The following ZSWIM5 variants were observed in gnomAD, a reference collection of about 807,000 sequenced individuals.
ZSWIM5 encodes the protein zinc finger SWIM-type containing 5, also known as zinc finger SWIM domain-containing protein 5.
Under a neutral mutation model 119.6 loss-of-function variants are expected in ZSWIM5, and 55 were observed. The ratio of observed to expected loss-of-function variants is 0.46; its 90% CI spans 0.37 to 0.58. The LOEUF is 0.58. Among genes scored for constraint, ZSWIM5 ranks in the 20% least tolerant of loss-of-function variants. The probability of loss-of-function intolerance (pLI) is 0.00; values close to 1 mark genes in which losing one functional copy is unlikely to be tolerated. For missense variants in ZSWIM5, 1,193 were observed against 1,512.8 expected, an observed-to-expected ratio of 0.79 and a Z score of 3.51; for synonymous variants, 537 against 606.9, an observed-to-expected ratio of 0.88 and a Z score of 1.69.
chr1:45,081,463 G>A (rs982154598), intron 2 of ZSWIM5, among the ~76,000 whole-genome samples: 4 of 151,982 alleles, frequency 2.6e-5, no homozygotes, highest in South Asian at 2.1e-4. Flanking sequence ...GGCGCGCGCC[G>A]CCACGCCTGA....
intron 1 of ZSWIM5, among the ~76,000 whole-genome samples, chr1:45,174,755 A>G (rs1315609141): frequency 1.3e-5 from 2 of 151,976 alleles, no homozygotes; most frequent in Non-Finnish European, 2.9e-5. Context: ...AAAGAAAAAG[A>G]TTATCATATT....
At chr1:45,194,746 G>C (rs976986439) in intron 1 of ZSWIM5, among the ~76,000 whole-genome samples, 4 of 151,808 alleles carry the variant, frequency 2.6e-5, no homozygotes, top group Non-Finnish European at 5.9e-5. Context: ...GCGTGGTGGC[G>C]GGCATCTGTA....
chr1:45,124,502 G>A (rs1163289193), intron 1 of ZSWIM5, among the ~76,000 whole-genome samples: 5 of 151,854 alleles, frequency 3.3e-5, no homozygotes, highest in South Asian at 2.1e-4. Flanking sequence ...GATCAAAATC[G>A]AATTCTAAAA....
intron 1 of ZSWIM5, among the ~76,000 whole-genome samples, chr1:45,091,398 T>TGG (rs1645363590): frequency 6.6e-6 from 1 of 151,254 alleles, no homozygotes; most frequent in African/African-American, 2.4e-5. Flanking sequence ...GGCTCATGCC[T>TGG]GTAATCCCAG....
At chr1:45,158,329 T>A (rs1329868956) in intron 1 of ZSWIM5, among the ~76,000 whole-genome samples, 1 of 152,020 alleles carries the variant, frequency 6.6e-6, no homozygotes, top group Non-Finnish European at 1.5e-5. Context: ...CCACCATGCC[T>A]GGCTAATTTT....
chr1:45,085,988 T>C (rs191067951), intron 2 of ZSWIM5, among the ~76,000 whole-genome samples: 1 of 152,254 alleles, frequency 6.6e-6, no homozygotes, highest in East Asian at 1.9e-4. Flanking sequence ...TGCACTGCTA[T>C]AAAAAAATAC....
chr1:45,146,749 C>T (rs997330457), intron 1 of ZSWIM5, among the ~76,000 whole-genome samples: 5 of 151,982 alleles, frequency 3.3e-5, no homozygotes, highest in Non-Finnish European at 5.9e-5. Flanking sequence ...CAATTGTATA[C>T]GTACGTACTC....
chr1:45,118,737 C>CAA (rs60441320), intron 1 of ZSWIM5, among the ~76,000 whole-genome samples: 8 of 95,236 alleles, frequency 8.4e-5, no homozygotes, highest in African/African-American at 1.3e-4. Flanking sequence ...GAACCTGTCT[C>CAA]AAAAAAAAAA....
chr1:45,024,896 CT>C (rs1246703294), intron 11 of ZSWIM5, among the ~76,000 whole-genome samples: 14 of 152,198 alleles, frequency 9.2e-5, no homozygotes, highest in African/African-American at 3.4e-4. Flanking sequence ...CTCAGATGAT[CT>C]GCCCGCCTCA....
intron 1 of ZSWIM5, among the ~76,000 whole-genome samples, chr1:45,202,277 C>A (rs1646162884): frequency 6.6e-6 from 1 of 151,934 alleles, no homozygotes; most frequent in Non-Finnish European, 1.5e-5. Flanking sequence ...ATATAAAAAT[C>A]AACAAACTGT....
chr1:45,036,674 C>G (rs977562110), intron 8 of ZSWIM5, among the ~76,000 whole-genome samples: 1 of 152,034 alleles, frequency 6.6e-6, no homozygotes, highest in Non-Finnish European at 1.5e-5. Context: ...GTCTTTCCCT[C>G]CCACCTTTGG....
intron 4 of ZSWIM5, among the ~76,000 whole-genome samples, chr1:45,056,331 G>A (rs1247692744): frequency 1.4e-4 from 21 of 152,140 alleles, no homozygotes; most frequent in African/African-American, 4.8e-4. Context: ...GGTGACTCAC[G>A]CCTGTAATCT....
intron 1 of ZSWIM5, among the ~76,000 whole-genome samples, chr1:45,194,157 A>C (rs1475637629): frequency 2.0e-5 from 3 of 152,154 alleles, no homozygotes; most frequent in African/African-American, 7.2e-5. Flanking sequence ...ACAGATTTAA[A>C]CAAAATAAGA....
chr1:45,132,768 G>C (rs902984908), intron 1 of ZSWIM5, among the ~76,000 whole-genome samples: 3 of 151,644 alleles, frequency 2.0e-5, no homozygotes, highest in African/African-American at 7.3e-5. Flanking sequence ...CCCACTCCCC[G>C]CACCCCACAA....
chr1:45,104,148 C>G (rs1645455848), intron 1 of ZSWIM5, among the ~76,000 whole-genome samples: 1 of 152,154 alleles, frequency 6.6e-6, no homozygotes, highest in Non-Finnish European at 1.5e-5. Flanking sequence ...TCCCGGAAGG[C>G]CACAGCAGTA....
chr1:45,193,759 C>T (rs1646105459), intron 1 of ZSWIM5, among the ~76,000 whole-genome samples: 1 of 152,038 alleles, frequency 6.6e-6, no homozygotes, highest in Non-Finnish European at 1.5e-5. Flanking sequence ...TTACATAGCA[C>T]TTAATATGTG....
At chr1:45,159,780 G>A (rs564517492) in intron 1 of ZSWIM5, among the ~76,000 whole-genome samples, 2 of 152,046 alleles carry the variant, frequency 1.3e-5, no homozygotes, top group African/African-American at 4.8e-5. Flanking sequence ...GAAGAGATGG[G>A]GTTTCACCAT....
chr1:45,125,432 G>C (rs967628502), intron 1 of ZSWIM5, among the ~76,000 whole-genome samples: 1 of 152,072 alleles, frequency 6.6e-6, no homozygotes, highest in Non-Finnish European at 1.5e-5. Flanking sequence ...TTTGTGGAAT[G>C]CAGGTAGAGC....
At chr1:45,140,415 C>T (rs1462381630) in intron 1 of ZSWIM5, among the ~76,000 whole-genome samples, 1 of 152,020 alleles carries the variant, frequency 6.6e-6, no homozygotes, top group Admixed American at 6.6e-5. Flanking sequence ...ACTATACACT[C>T]TCAAATATGC....
Sources: gnomAD v4.1 joint callset for allele counts (sites outside exome capture counted in the v4.1 genomes callset) on GRCh38, gnomAD v4.1.1 for gene constraint, MANE v1.5 for transcripts, NCBI Gene and HGNC (gene_info 2026-07-23, HGNC 2026-07-21) for gene names.